The following ADAMTSL1 variants were observed in gnomAD, a reference collection of about 807,000 sequenced individuals.
The protein encoded by ADAMTSL1 is ADAMTS like 1, also known as ADAMTS-like protein 1.
A neutral mutation model predicts 201.8 loss-of-function variants in ADAMTSL1; 126 were observed. That is an observed-to-expected ratio of 0.62 (90% CI 0.54 to 0.72). ADAMTSL1 has a LOEUF of 0.72. ADAMTSL1 is among the 30% of genes least tolerant of loss of function. The pLI is 0.00. For synonymous variants in ADAMTSL1, 1,121 were observed against 903.4 expected, an observed-to-expected ratio of 1.24 and a Z score of -4.32; for missense variants, 2,679 against 2,277.8, an observed-to-expected ratio of 1.18 and a Z score of -3.59.
chr9:18,142,384 T>G (rs1227610565), intron 1 of ADAMTSL1, among the ~76,000 whole-genome samples: 1 of 152,212 alleles, frequency 6.6e-6, no homozygotes, highest in East Asian at 1.9e-4. Context: ...TAGGGAACAA[T>G]GAAATTAAGA....
At chr9:18,411,085 A>T (rs141524194) in intron 2 of ADAMTSL1, among the ~76,000 whole-genome samples, 14,899 of 150,610 alleles carry the variant, frequency 0.099, 1,053 homozygotes, top group Middle Eastern at 0.16. Flanking sequence ...GATGGTCTTA[A>T]TCTCCTGACC....
chr9:18,327,422 C>A (rs1243288046), intron 2 of ADAMTSL1, among the ~76,000 whole-genome samples: 2 of 152,148 alleles, frequency 1.3e-5, no homozygotes, highest in Non-Finnish European at 2.9e-5. Flanking sequence ...AGAAGCTGAC[C>A]TTTCAACTCA....
chr9:18,099,353 ATATT>A (rs1359269046), intron 1 of ADAMTSL1, among the ~76,000 whole-genome samples: 70 of 45,828 alleles, frequency 1.5e-3, no homozygotes, highest in Middle Eastern at 0.018. Context: ...ATATATATAT[ATATT>A]TTTTTTTTTT....
chr9:18,322,536 G>A (rs1222164196), intron 2 of ADAMTSL1, among the ~76,000 whole-genome samples: 2 of 152,148 alleles, frequency 1.3e-5, no homozygotes, highest in Non-Finnish European at 2.9e-5. Flanking sequence ...GGGAGGCTGA[G>A]GCAAGAGAAT....
At chr9:18,175,742 G>A (rs947344369) in intron 2 of ADAMTSL1, among the ~76,000 whole-genome samples, 5 of 152,008 alleles carry the variant, frequency 3.3e-5, no homozygotes, top group African/African-American at 1.2e-4. Context: ...GGTCCTCAGG[G>A]TGGCCTTGTC....
intron 16 of ADAMTSL1, among the ~76,000 whole-genome samples, chr9:18,761,568 A>G (rs528206687): frequency 3.9e-5 from 6 of 152,178 alleles, no homozygotes; most frequent in Non-Finnish European, 8.8e-5. Flanking sequence ...ATTTTAAATG[A>G]TGACTCATAA....
intron 2 of ADAMTSL1, among the ~76,000 whole-genome samples, chr9:18,265,767 A>G (rs1487523226): frequency 6.6e-6 from 1 of 152,196 alleles, no homozygotes; most frequent in Non-Finnish European, 1.5e-5. Flanking sequence ...ATACAGTTCT[A>G]AAAGAAAGGA....
intron 1 of ADAMTSL1, among the ~76,000 whole-genome samples, chr9:18,056,432 GAGA>G (rs761656750): frequency 2.8e-4 from 42 of 152,206 alleles, no homozygotes; most frequent in South Asian, 8.3e-4. Context: ...AGCAGCAGCT[GAGA>G]AGTTAATGTT....
intron 1 of ADAMTSL1, among the ~76,000 whole-genome samples, chr9:18,095,745 C>T (rs1180831613): frequency 6.6e-6 from 1 of 152,048 alleles, no homozygotes; most frequent in Admixed American, 6.6e-5. Flanking sequence ...TTTCTTAGTG[C>T]TGGGCTGACA....
intron 1 of ADAMTSL1, among the ~76,000 whole-genome samples, chr9:18,127,137 G>C (rs771997978): frequency 6.6e-6 from 1 of 152,184 alleles, no homozygotes; most frequent in Non-Finnish European, 1.5e-5. Flanking sequence ...TGAAGGTTTT[G>C]TGCCAGGCAG....
upstream of ADAMTSL1, among the ~76,000 whole-genome samples, chr9:18,469,250 GAGTC>G (rs1314872711): frequency 6.6e-6 from 1 of 152,118 alleles, no homozygotes; most frequent in African/African-American, 2.4e-5. Flanking sequence ...GCTTTACAAA[GAGTC>G]AGTATAGCTT....
intron 7 of ADAMTSL1, among the ~76,000 whole-genome samples, chr9:18,647,171 G>T (rs1043543132): frequency 3.9e-5 from 6 of 152,156 alleles, no homozygotes; most frequent in Non-Finnish European, 7.3e-5. Context: ...TAGTTTATTT[G>T]TGTAGAGGTG....
rs139726930 is a variant in ADAMTSL1, at chr9:18,059,738, C to G, written c.88-104124C>G. Among the ~76,000 whole-genome samples the G allele has an allele frequency of 3.0e-4, 46 of 152,184 alleles. No individual in the cohort carries two copies. The East Asian group carries it at 6.6e-3, about 22-fold the overall frequency. On this transcript the variant is annotated intron_variant, in intron 1 of 29. Transcript: ENST00000680146. ...TGTTTGTGTATCCCATGTTTTTATT[C>G]TTTTTAAGCTATAAAAGTGGATTTC...
chr9:18,875,050 T>A (rs1828066537), intron 23 of ADAMTSL1, among the ~76,000 whole-genome samples: 1 of 152,092 alleles, frequency 6.6e-6, no homozygotes, highest in South Asian at 2.1e-4. Flanking sequence ...AGTTTGTGCA[T>A]GTAAAGCTGT....
intron 1 of ADAMTSL1, among the ~76,000 whole-genome samples, chr9:18,153,666 G>T (rs1415974053): frequency 1.3e-5 from 2 of 151,994 alleles, no homozygotes; most frequent in Non-Finnish European, 1.5e-5. Flanking sequence ...CAGTGACTTT[G>T]ATGACTTGTA....
chr9:18,744,348 G>C (rs1819010631), intron 15 of ADAMTSL1, among the ~76,000 whole-genome samples: 1 of 152,332 alleles, frequency 6.6e-6, no homozygotes, highest in South Asian at 2.1e-4. Context: ...TTCTGGATCT[G>C]TCACAATGCT....
At chr9:18,003,144 T>C (rs556996614) in intron 1 of ADAMTSL1, among the ~76,000 whole-genome samples, 1 of 152,140 alleles carries the variant, frequency 6.6e-6, no homozygotes, top group South Asian at 2.1e-4. Context: ...CCCTAAGCAC[T>C]GTGGTAGCCT....
intron 1 of ADAMTSL1, among the ~76,000 whole-genome samples, chr9:17,931,518 A>G (rs1399104140): frequency 6.6e-6 from 1 of 152,212 alleles, no homozygotes; most frequent in Non-Finnish European, 1.5e-5. Context: ...ATGTACATTT[A>G]AACTCTAAAA....
At chr9:17,978,906 T>C (rs1007280592) in intron 1 of ADAMTSL1, among the ~76,000 whole-genome samples, 9 of 152,022 alleles carry the variant, frequency 5.9e-5, no homozygotes, top group Non-Finnish European at 1.0e-4. Context: ...AGAGAGTCTT[T>C]AATTCTCCTT....
Sources: allele counts gnomAD v4.1 joint callset (sites outside exome capture counted in the v4.1 genomes callset), GRCh38; gene constraint gnomAD v4.1.1; transcripts MANE v1.5; gene names NCBI Gene and HGNC (gene_info 2026-07-23, HGNC 2026-07-21).